Variants in SFI1 observed in about 807,000 individuals in gnomAD.
SFI1 encodes the protein SFI1 centrin binding protein, also known as protein SFI1 homolog.
In SFI1, 195 loss-of-function variants were observed where a neutral mutation model predicts 207.5. That is an observed-to-expected ratio of 0.94 (90% CI 0.84 to 1.06). The LOEUF (loss-of-function observed/expected upper bound fraction) is 1.06. Ranked by LOEUF, SFI1 falls within the 50% of genes least tolerant of loss-of-function variation. SFI1 has a pLI of 0.00. For synonymous variants in SFI1, 630 were observed against 598.9 expected (o/e 1.05, Z -0.76); for missense variants, 1,634 against 1,588.0 (o/e 1.03, Z -0.49).
intron 12 of SFI1, 57 bp from the exon 13 acceptor site, chr22:31,583,818 T>C (rs889397266): frequency 2.7e-6 from 4 of 1,474,236 alleles, no homozygotes; most frequent in Non-Finnish European, 3.8e-6. Context: ...GGAGTAAGGA[T>C]TCACTGTTTT....
chr22:31,575,487 CA>C, intron 10 of SFI1, 95 bp downstream of exon 10: 1 of 1,306,298 alleles, frequency 7.7e-7, no homozygotes. Context: ...ACATGGGAAA[CA>C]ATTGCCAAAC....
At chr22:31,580,428 C>T (rs1429372954) in intron 12 of SFI1, 64 bp downstream of exon 12, 5 of 1,373,758 alleles carry the variant, frequency 3.6e-6, no homozygotes, top group Non-Finnish European at 5.1e-6. Flanking sequence ...CTCTTTTTTT[C>T]AGTCTTGCCA....
chr22:31,497,384 G>C (rs2052871764), intron 1 of SFI1: 1 of 152,088 alleles, frequency 6.6e-6, no homozygotes. Flanking sequence ...TTTATTTCAG[G>C]TGCACCGTTA....
rs753734331 is a variant in SFI1 at position 31,528,839 on chromosome 22, G to C, written c.242G>C (p.Gly81Ala). The C allele has an allele frequency of 5.0e-6, 8 of 1,613,764 alleles. No individual in the cohort carries two copies. The African/African-American group carries it at 1.1e-4, about 22-fold the overall frequency. Residue 81 changes from glycine to alanine, a missense_variant, in exon 3 of 33, where the codon GGC becomes GCC. Transcript: ENST00000400288. ...GGCACACATACTTGTACCCGACAGG[G>C]CCGGTTAAGAGAACTGCGCATCAGG... ...YRGTHTCTRQ[G>A]RLRELRIRCV...
chr22:31,516,105 G>A (rs2056455314), intron 2 of SFI1, among the ~76,000 whole-genome samples: 1 of 141,816 alleles, frequency 7.1e-6, no homozygotes, highest in Non-Finnish European at 1.6e-5. Flanking sequence ...TTGAGTATTT[G>A]TACTAATTAA....
At chr22:31,526,137 A>G (rs1287904649) in intron 2 of SFI1, among the ~76,000 whole-genome samples, 1 of 152,156 alleles carries the variant, frequency 6.6e-6, no homozygotes, top group Non-Finnish European at 1.5e-5. Flanking sequence ...GTACTAGATA[A>G]TCTTATAGAA....
intron 20 of SFI1, 125 bp downstream of exon 20, chr22:31,605,070 A>G: frequency 2.5e-6 from 2 of 786,450 alleles, no homozygotes; most frequent in Non-Finnish European, 3.9e-6. Flanking sequence ...AGTCGCTAAT[A>G]TCATGGTCTT....
At chr22:31,603,287 T>C (rs370861420) in intron 17 of SFI1, among the ~76,000 whole-genome samples, 4 of 152,294 alleles carry the variant, frequency 2.6e-5, no homozygotes, top group South Asian at 4.1e-4. Context: ...CATATTGTGA[T>C]AGCTGACTGC....
intron 2 of SFI1, among the ~76,000 whole-genome samples, chr22:31,508,716 T>C (rs147494971): frequency 0.012 from 1,756 of 152,288 alleles, 12 homozygotes; most frequent in Middle Eastern, 0.031. Context: ...TTCAGACTTT[T>C]ACCTTCAGTT....
At position 31,606,439 on chromosome 22, in the gene SFI1, T is replaced by G. The variant is rs772020336; in HGVS notation, c.2157+9T>G. The G allele has an allele frequency of 6.2e-7, 1 of 1,611,564 alleles. No individual in the cohort carries two copies. The highest frequency in any genetic ancestry group is 1.1e-5 in the South Asian group (1 of 91,014). The stretch of plus-strand genomic sequence containing the variant: ...GGACCATATGTTCCAAGGTGAGGTA[T>G]AAGGAGGCAAGCTGGTCACCCAGGA... On this transcript the variant is annotated intron_variant, in intron 21 of 32. Transcript: ENST00000400288.
At position 31,592,428 on chromosome 22, in the gene SFI1, C is replaced by T. The variant is rs1468375762; in HGVS notation, c.1544+2851C>T. On this transcript the variant is annotated intron_variant, in intron 15 of 32. Coordinates refer to ENST00000400288, the MANE Select transcript of SFI1 (RefSeq NM_001007467.3). ...GGGGCTGACCCCCCCACCTCCCTCC[C>T]GGACGGGGCGGCTGGCCGGGCGGGG... Among the ~76,000 whole-genome samples the T allele has an allele frequency of 1.3e-4, 8 of 61,376 alleles. 1 individual carries two copies. Among genetic ancestry groups the T allele is most frequent in the Admixed American group, 6.9e-4 (5 of 7,228 alleles). 40.3% of individuals were successfully genotyped at this position (61,376 alleles called of 152,430 possible). A position where few individuals can be genotyped will look rare whatever the true frequency, so the allele number is the denominator to read the frequency against.
At chr22:31,502,110 C>G (rs2053883416) in intron 1 of SFI1, among the ~76,000 whole-genome samples, 1 of 152,174 alleles carries the variant, frequency 6.6e-6, no homozygotes, top group Admixed American at 6.5e-5. Context: ...TATGAATCTT[C>G]TGTACATATA....
At chr22:31,533,602 G>A (rs1206071861) in intron 4 of SFI1, among the ~76,000 whole-genome samples, 2 of 151,788 alleles carry the variant, frequency 1.3e-5, no homozygotes, top group Non-Finnish European at 2.9e-5. Context: ...AACAAGCAGC[G>A]ACCAAAAGCA....
Position 31,615,233 on chromosome 22 carries a change from T to C in SFI1, c.3254T>C (p.Leu1085Pro), listed in dbSNP as rs778167052. Residue 1085 changes from leucine to proline, a missense_variant, in exon 29 of 33, where the codon CTG (leucine) becomes CCG (proline). Physicochemically the swap from Leu to Pro is moderately conservative, Grantham distance 98. Coordinates refer to ENST00000400288, the MANE Select transcript of SFI1 (RefSeq NM_001007467.3). Reference sequence around the variant, plus strand: ...AGCACAGGCCCGGAGCTGCTGCTGCTGCCTCTTTCCTCCTTCATGCCCTGC... The same window carrying C: ...AGCACAGGCCCGGAGCTGCTGCTGCCGCCTCTTTCCTCCTTCATGCCCTGC... ...TASTGPELLLLPLSSFMPCGA... is the reference protein window; with the variant it reads ...TASTGPELLLPPLSSFMPCGA... 34 of 1,538,506 alleles carry C rather than the reference T, an allele frequency of 2.2e-5. No homozygotes were observed. Among genetic ancestry groups the C allele is most frequent in the Non-Finnish European group, 2.6e-5 (30 of 1,150,348 alleles).
At chr22:31,578,257 G>A in intron 10 of SFI1, 125 bp from the exon 11 acceptor site, 2 of 776,994 alleles carry the variant, frequency 2.6e-6, no homozygotes, top group African/African-American at 1.7e-5. Context: ...AGACAGAGGT[G>A]GACCTCAGCC....
chr22:31,530,171 C>CA (rs1162482504), intron 3 of SFI1, among the ~76,000 whole-genome samples: 857 of 12,098 alleles, frequency 0.071, 288 homozygotes, highest in Middle Eastern at 0.38. Flanking sequence ...GACTCCATCT[C>CA]AAAAAAAAAA....
At chr22:31,587,981 T>C (rs898602198) in intron 14 of SFI1, 58 of 152,324 alleles carry the variant, frequency 3.8e-4, no homozygotes, top group African/African-American at 1.3e-3. Flanking sequence ...CACATACATA[T>C]GCATACTGAT....
chr22:31,580,840 G>A (rs967292092), intron 12 of SFI1, among the ~76,000 whole-genome samples: 13 of 151,928 alleles, frequency 8.6e-5, no homozygotes, highest in African/African-American at 3.1e-4. Context: ...ACCATGCTCG[G>A]CCTTTTTAGT....
chr22:31,501,998 C>T (rs960918016), intron 1 of SFI1, among the ~76,000 whole-genome samples: 2 of 152,002 alleles, frequency 1.3e-5, no homozygotes, highest in Admixed American at 1.3e-4. Context: ...GCTTCCTGTC[C>T]AGGGTGGCAT....
Sources: gnomAD v4.1 joint callset for allele counts (sites outside exome capture counted in the v4.1 genomes callset) on GRCh38, gnomAD v4.1.1 for gene constraint, MANE v1.5 for transcripts, NCBI Gene and HGNC (gene_info 2026-07-23, HGNC 2026-07-21) for gene names.